Variants in CA12 observed in about 807,000 individuals in gnomAD.
CA12 encodes carbonic anhydrase 12, also known as carbonate dehydratase XII.
In CA12, 36 loss-of-function variants were observed where a neutral mutation model predicts 46.8. That is an observed-to-expected ratio of 0.77 (90% CI 0.59 to 1.02). CA12 has a LOEUF of 1.02. Among genes scored for constraint, CA12 ranks in the 50% least tolerant of loss-of-function variants. The probability of loss-of-function intolerance (pLI) is 0.00; values close to 1 mark genes in which losing one functional copy is unlikely to be tolerated. For synonymous variants in CA12, 202 were observed against 187.0 expected, an observed-to-expected ratio of 1.08 and a Z score of -0.65; for missense variants, 436 against 451.4, an observed-to-expected ratio of 0.97 and a Z score of 0.31.
chr15:63,357,661 T>C (rs888709739), intron 2 of CA12, among the ~76,000 whole-genome samples: 1 of 152,186 alleles, frequency 6.6e-6, no homozygotes, highest in African/African-American at 2.4e-5. Context: ...TTCTTTCTTT[T>C]TTTTTTAAAT....
chr15:63,327,292 T>C lies in CA12; in HGVS notation c.908-59A>G. 1 of 1,377,008 alleles carries C rather than the reference T, an allele frequency of 7.3e-7. No individual in the cohort carries two copies. The highest frequency in any genetic ancestry group is 1.0e-6 in the Non-Finnish European group (1 of 977,190). 85.3% of individuals were successfully genotyped at this position (1,377,008 alleles called of 1,614,324 possible). A position where few individuals can be genotyped will look rare whatever the true frequency, so the allele number is the denominator to read the frequency against. On this transcript the variant is annotated intron_variant, in intron 9 of 10. Transcript: ENST00000178638. The surrounding 1 kb of genome is among the most constrained non-coding windows in gnomAD (Gnocchi z 4.5). Reference sequence around the variant, plus strand: ...CTTCCTTCCCCTCCATCTTAGCCCATGGCCCCCGGGTGTGAAATCATGGCC... The same window carrying C: ...CTTCCTTCCCCTCCATCTTAGCCCACGGCCCCCGGGTGTGAAATCATGGCC...
intron 2 of CA12, among the ~76,000 whole-genome samples, chr15:63,366,778 T>C (rs1336968988): frequency 1.3e-5 from 2 of 152,196 alleles, no homozygotes; most frequent in Non-Finnish European, 2.9e-5. Flanking sequence ...GAAGGCAGAA[T>C]AAAACAGTGG....
In CA12 at chr15:63,340,238, G is replaced by A. The variant is rs746512524; in HGVS notation, c.747+50C>T. On this transcript the variant is annotated intron_variant, in intron 7 of 10. Transcript: ENST00000178638. The surrounding 1 kb of genome is among the most constrained non-coding windows in gnomAD (Gnocchi z 4.4). Reference sequence around the variant, plus strand: ...CATTGATTGTGATATGGAGGATGATGGGGACTGAGGTGCCGCGTGGACTCT... The same window carrying A: ...CATTGATTGTGATATGGAGGATGATAGGGACTGAGGTGCCGCGTGGACTCT... 2 of 1,599,366 alleles carry A rather than the reference G, an allele frequency of 1.3e-6. No homozygotes were observed. The highest frequency in any genetic ancestry group is 2.2e-5 in the South Asian group (2 of 90,596).
chr15:63,361,829 G>C (rs1176611419), intron 2 of CA12, among the ~76,000 whole-genome samples: 1 of 152,158 alleles, frequency 6.6e-6, no homozygotes, highest in Non-Finnish European at 1.5e-5. Context: ...CACCCTCAGG[G>C]AGCACTGATC....
chr15:63,333,424 CAT>C (rs1415398861), intron 8 of CA12, among the ~76,000 whole-genome samples: 1 of 152,218 alleles, frequency 6.6e-6, no homozygotes, highest in Non-Finnish European at 1.5e-5. Context: ...GCTCGGGAAA[CAT>C]GTGGTGTGTG....
rs2039178652 is a variant in CA12 at position 63,348,210 on chromosome 15, G to C, written c.107-1501C>G. 6.6e-6 allele frequency among the ~76,000 whole-genome samples: 1 copy of C among 152,202 alleles called. No homozygotes were observed. Among genetic ancestry groups the C allele is most frequent in the Non-Finnish European group, 1.5e-5 (1 of 68,040 alleles). On this transcript the variant is annotated intron_variant, in intron 2 of 10. Transcript: ENST00000178638. This position sits in a 1 kb window ranked among gnomAD's most constrained non-coding sequence, Gnocchi z 4.6. ...AATGTTACAGCATGACGGAATTGCA[G>C]AATCTCCAGTCCAACCTTTCACTGG... is the stretch of plus-strand genomic sequence containing the variant.
intron 2 of CA12, among the ~76,000 whole-genome samples, chr15:63,369,959 G>A (rs1041878117): frequency 3.9e-5 from 6 of 152,264 alleles, no homozygotes; most frequent in Middle Eastern, 3.4e-3. Context: ...TCCAGGATAC[G>A]CACAAACCCC....
At chr15:63,358,340 A>C (rs1185520405) in intron 2 of CA12, among the ~76,000 whole-genome samples, 1 of 152,202 alleles carries the variant, frequency 6.6e-6, no homozygotes, top group Non-Finnish European at 1.5e-5. Context: ...AAAAGAGAAA[A>C]CTTCAAATGA....
chr15:63,381,843 C>G lies in CA12; in HGVS notation c.-123G>C. On this transcript the variant is annotated 5_prime_UTR_variant, in exon 1 of 11. Transcript: ENST00000178638. Reference sequence around the variant, plus strand: ...GGGTGCCGTGGCGAGTACGTCCGCCCTTCGCTCTCCTGGCTTCCCCGGGCA... The same window carrying G: ...GGGTGCCGTGGCGAGTACGTCCGCCGTTCGCTCTCCTGGCTTCCCCGGGCA... 1.9e-6 allele frequency: 1 copy of G among 540,020 alleles called. No individual in the cohort carries two copies. Among genetic ancestry groups the G allele is most frequent in the Non-Finnish European group, 3.0e-6 (1 of 328,726 alleles). 33.5% of individuals were successfully genotyped at this position (540,020 alleles called of 1,614,324 possible).
chr15:63,345,015 C>T lies in CA12; in HGVS notation c.429+462G>A, dbSNP rs995997462. Among the ~76,000 whole-genome samples the T allele has an allele frequency of 6.6e-6, 1 of 152,090 alleles. No homozygotes were observed. The highest frequency in any genetic ancestry group is 1.5e-5 in the Non-Finnish European group (1 of 68,034). ...GAAGGGTGGCCCTAGACCCATGTCC[C>T]CATGTTCTAAACACAACCCATGCCC... On this transcript the variant is annotated intron_variant, in intron 4 of 10. Transcript: ENST00000178638. This position sits in a 1 kb window ranked among gnomAD's most constrained non-coding sequence, Gnocchi z 4.3.
intron 4 of CA12, among the ~76,000 whole-genome samples, chr15:63,344,191 C>T (rs2039116682): frequency 6.6e-6 from 1 of 152,240 alleles, no homozygotes; most frequent in South Asian, 2.1e-4. Flanking sequence ...CTCTACCCCT[C>T]TCTCACATGT....
In CA12 at chr15:63,325,741, T is replaced by G; in HGVS notation, c.*544A>C. 1 of 191,004 alleles carries G rather than the reference T, an allele frequency of 5.2e-6. No homozygotes were observed. The highest frequency in any genetic ancestry group is 1.1e-5 in the Non-Finnish European group (1 of 90,396). 11.8% of individuals were successfully genotyped at this position (191,004 alleles called of 1,614,324 possible). On this transcript the variant is annotated 3_prime_UTR_variant, in exon 11 of 11. Transcript: ENST00000178638. This position sits in a 1 kb window ranked among gnomAD's most constrained non-coding sequence, Gnocchi z 4.9. ...TCTTTTTCTCTCTACAACTTGATCC[T>G]TCCTGTCCCCATTTGTCCCCGAGTT...
chr15:63,328,075 C>A lies in CA12; in HGVS notation c.907+23G>T. 2.5e-6 allele frequency: 4 copies of A among 1,608,298 alleles called. No individual in the cohort carries two copies. Among genetic ancestry groups the A allele is most frequent in the Non-Finnish European group, 3.4e-6 (4 of 1,174,818 alleles). ...AGTGATCACCCAGCTGCAGCATGCACGGCTGGCTGCCCAGCCACATACCCA... is the reference window on the plus strand; with the variant it reads ...AGTGATCACCCAGCTGCAGCATGCAAGGCTGGCTGCCCAGCCACATACCCA... On this transcript the variant is annotated intron_variant, in intron 9 of 10. Coordinates refer to ENST00000178638, the MANE Select transcript of CA12 (RefSeq NM_001218.5). This position sits in a 1 kb window ranked among gnomAD's most constrained non-coding sequence, Gnocchi z 5.9.
At chr15:63,361,204 G>A (rs1286369140) in intron 2 of CA12, among the ~76,000 whole-genome samples, 2 of 152,190 alleles carry the variant, frequency 1.3e-5, no homozygotes, top group African/African-American at 2.4e-5. Flanking sequence ...AGCCCCCAAC[G>A]GAGCAGTCCA....
In CA12 at chr15:63,324,205, G is replaced by A. The variant is rs2038835518; in HGVS notation, c.*2080C>T. 6.6e-6 allele frequency: 1 copy of A among 152,288 alleles called. No homozygotes were observed. Among genetic ancestry groups the A allele is most frequent in the Non-Finnish European group, 1.5e-5 (1 of 68,100 alleles). 9.4% of individuals were successfully genotyped at this position (152,288 alleles called of 1,614,324 possible). A position where few individuals can be genotyped will look rare whatever the true frequency, so the allele number is the denominator to read the frequency against. ...TCTCAGCCTCGGGGCTGCAATCCAG[G>A]GCTGTGCTGAGCAGCAAGAGGAGAG... On this transcript the variant is annotated 3_prime_UTR_variant, in exon 11 of 11. Coordinates refer to ENST00000178638, the MANE Select transcript of CA12 (RefSeq NM_001218.5).
At position 63,375,642 on chromosome 15, in the gene CA12, T is replaced by A; in HGVS notation, c.106+16A>T. 1 of 1,510,074 alleles carries A rather than the reference T, an allele frequency of 6.6e-7. No homozygotes were observed. Among genetic ancestry groups the A allele is most frequent in the Admixed American group, 1.7e-5 (1 of 58,844 alleles). 93.5% of individuals were successfully genotyped at this position (1,510,074 alleles called of 1,614,324 possible). A position where few individuals can be genotyped will look rare whatever the true frequency, so the allele number is the denominator to read the frequency against. The stretch of plus-strand genomic sequence containing the variant: ...ATTTTCTTTTCAACAAAAAAGTATT[T>A]AAAATCTCTACTTACCAAAATAAGT... On this transcript the variant is annotated intron_variant, in intron 2 of 10. Transcript: ENST00000178638.
chr15:63,354,272 G>A (rs1301116923), intron 2 of CA12, among the ~76,000 whole-genome samples: 1 of 151,786 alleles, frequency 6.6e-6, no homozygotes, highest in Non-Finnish European at 1.5e-5. Flanking sequence ...AGAAGGGGAG[G>A]GTTACTTGTT....
rs117090742 is a variant in CA12, at chr15:63,326,203, G to A, written c.*82C>T. 11,261 of 996,206 alleles carry A rather than the reference G, an allele frequency of 0.011. 80 individuals carry two copies. The highest frequency in any genetic ancestry group is 0.015 in the Non-Finnish European group (9,253 of 619,056). 61.7% of individuals were successfully genotyped at this position (996,206 alleles called of 1,614,324 possible). A position where few individuals can be genotyped will look rare whatever the true frequency, so the allele number is the denominator to read the frequency against. ...ATTGAGCTACAGAGAACACCTTGAG[G>A]TGTCGCAAGTGTCCAGAGAGCCGAA... On this transcript the variant is annotated 3_prime_UTR_variant, in exon 11 of 11. Transcript: ENST00000178638.
In CA12 at chr15:63,322,403, T is replaced by G. The variant is rs914458201; in HGVS notation, c.*3882A>C. 22 of 152,110 alleles carry G rather than the reference T, an allele frequency of 1.4e-4. No homozygotes were observed. Among genetic ancestry groups the G allele is most frequent in the East Asian group, 7.7e-4 (4 of 5,184 alleles). 9.4% of individuals were successfully genotyped at this position (152,110 alleles called of 1,614,324 possible). On this transcript the variant is annotated 3_prime_UTR_variant, in exon 11 of 11. Coordinates refer to ENST00000178638, the MANE Select transcript of CA12 (RefSeq NM_001218.5). This position sits in a 1 kb window ranked among gnomAD's most constrained non-coding sequence, Gnocchi z 4.1. ...TAAATTTAAATTAATGTCACTGGTTTTTTTTTTTTTACCTTTTTCTAGTGT... is the reference window on the plus strand; with the variant it reads ...TAAATTTAAATTAATGTCACTGGTTGTTTTTTTTTTACCTTTTTCTAGTGT...
Sources: allele counts gnomAD v4.1 joint callset (sites outside exome capture counted in the v4.1 genomes callset), GRCh38; gene constraint gnomAD v4.1.1; non-coding constraint Gnocchi (gnomAD v3.1); transcripts MANE v1.5; gene names NCBI Gene and HGNC (gene_info 2026-07-23, HGNC 2026-07-21).